HP1BP3: variants seen among roughly 807,000 people sequenced by gnomAD.
The protein encoded by HP1BP3 is heterochromatin protein 1-binding protein 3.
HP1BP3 carries 12 observed loss-of-function variants against 62.5 expected under a neutral mutation model. That is an observed-to-expected ratio of 0.19 (90% CI 0.12 to 0.31). The LOEUF (loss-of-function observed/expected upper bound fraction) is 0.31, where lower values mean the gene tolerates loss of function less well. Ranked by LOEUF, HP1BP3 falls within the 10% of genes least tolerant of loss-of-function variation. The probability of loss-of-function intolerance (pLI) is 1.00; values close to 1 mark genes in which losing one functional copy is unlikely to be tolerated. For synonymous variants in HP1BP3, 260 were observed against 237.8 expected (o/e 1.09, Z -0.86); for missense variants, 502 against 651.8 (o/e 0.77, Z 2.50).
chr1:20,756,904 C>T lies in HP1BP3; in HGVS notation c.981+262G>A, dbSNP rs530379460. ...CTCATTTTTGTATTTTTAGTGGAGA[C>T]GACAGGGTTTCACCAGGCTGGTCTC... is the stretch of plus-strand genomic sequence containing the variant. On this transcript the variant is annotated intron_variant, in intron 9 of 12. Coordinates refer to ENST00000438032, the MANE Select transcript of HP1BP3 (RefSeq NM_001372052.1). Among the ~76,000 whole-genome samples, 21 of 152,110 alleles carry T rather than the reference C, an allele frequency of 1.4e-4. No individual in the cohort carries two copies. The South Asian group carries it at 3.1e-3, about 23-fold the overall frequency.
At chr1:20,776,884 T>C (rs1223340618) in intron 3 of HP1BP3, 134 bp from the exon 4 acceptor site, 9 of 666,344 alleles carry the variant, frequency 1.4e-5, no homozygotes, top group Non-Finnish European at 2.1e-5. Context: ...TGAAAATGAA[T>C]GACCACTAAT....
At chr1:20,776,510 C>A in intron 4 of HP1BP3, 87 bp downstream of exon 4, 3 of 1,181,790 alleles carry the variant, frequency 2.5e-6, no homozygotes, top group South Asian at 1.6e-5. Context: ...TAGCATAAAC[C>A]AATGTTATAA....
chr1:20,750,564 GATT>G (rs776705216), intron 9 of HP1BP3, among the ~76,000 whole-genome samples: 31 of 150,156 alleles, frequency 2.1e-4, no homozygotes, highest in Non-Finnish European at 3.7e-4. Flanking sequence ...AAAAAAAAAA[GATT>G]ATTTTATTTG....
At chr1:20,749,070 G>C (rs1049147750) in intron 10 of HP1BP3, among the ~76,000 whole-genome samples, 1 of 152,126 alleles carries the variant, frequency 6.6e-6, no homozygotes, top group Non-Finnish European at 1.5e-5. Context: ...TTGTTTCAAA[G>C]TAAAATTAGA....
Position 20,749,705 on chromosome 1 carries a change from T to C in HP1BP3, c.1141+18A>G, listed in dbSNP as rs781011878. 33 of 1,600,046 alleles carry C rather than the reference T, an allele frequency of 2.1e-5. No homozygotes were observed. The highest frequency in any genetic ancestry group is 4.5e-5 in the South Asian group (4 of 88,996). On this transcript the variant is annotated intron_variant, in intron 10 of 12. Transcript: ENST00000438032. ...AAATTCTCCTAATCCCAGTTAAATATACACAACCGAGTCTTACTTTGATAG... is the reference window on the plus strand; with the variant it reads ...AAATTCTCCTAATCCCAGTTAAATACACACAACCGAGTCTTACTTTGATAG...
chr1:20,766,270 A>G (rs959944419), intron 7 of HP1BP3, among the ~76,000 whole-genome samples: 7 of 152,196 alleles, frequency 4.6e-5, no homozygotes, highest in Admixed American at 1.3e-4. Flanking sequence ...CAGCCTGAGC[A>G]ACAAGAGCGA....
At chr1:20,749,453 G>T (rs1389963141) in intron 10 of HP1BP3, among the ~76,000 whole-genome samples, 3 of 151,250 alleles carry the variant, frequency 2.0e-5, no homozygotes, top group South Asian at 2.1e-4. Flanking sequence ...CCACCTCCTG[G>T]GTTCATGCGT....
rs2055174305 is a variant in HP1BP3 at position 20,744,134 on chromosome 1, G to A, written c.*663C>T. 1 of 152,476 alleles carries A rather than the reference G, an allele frequency of 6.6e-6. No individual in the cohort carries two copies. Among genetic ancestry groups the A allele is most frequent in the African/African-American group, 2.4e-5 (1 of 41,384 alleles). 9.4% of individuals were successfully genotyped at this position (152,476 alleles called of 1,614,324 possible). ...TAGAGAACTTGTGCTTGCTGTTAAGGGAATGCAATACTTTGGGCCAGTGAA... is the reference window on the plus strand; with the variant it reads ...TAGAGAACTTGTGCTTGCTGTTAAGAGAATGCAATACTTTGGGCCAGTGAA... On this transcript the variant is annotated 3_prime_UTR_variant, in exon 13 of 13. Transcript: ENST00000438032.
rs964606149 is a variant in HP1BP3 at position 20,747,624 on chromosome 1, G to A, written c.1173C>T (p.Cys391=). 5.6e-6 allele frequency: 9 copies of A among 1,612,222 alleles called. No homozygotes were observed. The highest frequency in any genetic ancestry group is 2.7e-5 in the African/African-American group (2 of 74,776). ...TCTGTTCCATCCACCCATTCTTTTC[G>A]CATTTCTGCAGGGTTTTTTTCAGCA... ...MHLLKKTLQK[C]EKNGWMEQIS... Residue 391 remains cysteine (C), a synonymous_variant, in exon 11 of 13, where the codon TGC becomes TGT. Transcript: ENST00000438032.
At chr1:20,775,116 A>G (rs950787535) in intron 4 of HP1BP3, 2 of 152,160 alleles carry the variant, frequency 1.3e-5, no homozygotes, top group Non-Finnish European at 2.9e-5. Flanking sequence ...ACCTACAAAA[A>G]AAAAGTTAAC....
Position 20,776,598 on chromosome 1 carries a change from C to A in HP1BP3, c.349G>T (p.Asp117Tyr). The A allele has an allele frequency of 6.2e-7, 1 of 1,610,430 alleles. No individual in the cohort carries two copies. The highest frequency in any genetic ancestry group is 8.5e-7 in the Non-Finnish European group (1 of 1,178,548). The change falls in exon 4 of 13, where the codon GAT becomes TAT. Residue 117 changes from aspartate to tyrosine, a missense_variant and splice_region_variant. Around this residue, in one of 5 missense-constraint regions of HP1BP3, gnomAD observed 165 missense variants for 156.4 expected, o/e 1.05. Coordinates refer to ENST00000438032, the MANE Select transcript of HP1BP3 (RefSeq NM_001372052.1). ...ENKSSEETKK[D>Y]EKDQSKEKEK... is the part of the protein sequence containing the mutation. ...TAGCAAGAAGACATAACTCCTTACT[C>A]CTTTTTGGTTTCCTCAGAAGACTTA...
At chr1:20,762,396 G>C (rs1386248367) in intron 8 of HP1BP3, among the ~76,000 whole-genome samples, 1 of 152,010 alleles carries the variant, frequency 6.6e-6, no homozygotes, top group Non-Finnish European at 1.5e-5. Flanking sequence ...TGTAAGTAGA[G>C]TAGAACTACA....
intron 4 of HP1BP3, 59 bp from the exon 5 acceptor site, chr1:20,773,669 C>T (rs2057162678): frequency 5.0e-6 from 6 of 1,209,674 alleles, no homozygotes; most frequent in Non-Finnish European, 6.6e-6. Flanking sequence ...CGTATAAAGT[C>T]AGAAGGAGGA....
chr1:20,744,599 C>G lies in HP1BP3; in HGVS notation c.*198G>C, dbSNP rs780915926. ...GGATTATTGCAGAAATTAAAATGAA[C>G]AAGGAAAAGGGCAGGCACCAATAAA... On this transcript the variant is annotated 3_prime_UTR_variant, in exon 13 of 13. Transcript: ENST00000438032. 8.9e-6 allele frequency: 5 copies of G among 562,862 alleles called. No homozygotes were observed. The highest frequency in any genetic ancestry group is 1.2e-5 in the Non-Finnish European group (4 of 322,608). The allele number at this position is 562,862 out of a possible 1,614,324, so 34.9% of individuals were successfully genotyped here.
chr1:20,785,960 C>T lies in HP1BP3; in HGVS notation c.-101+1235G>A, dbSNP rs371472305. On this transcript the variant is annotated intron_variant, in intron 1 of 12. Transcript: ENST00000438032. ...AGACAAGACAGCGTGCTCAAAAAGC[C>T]CCAGGCGATTTTTAGACGTTATTTC... 2.0e-5 allele frequency among the ~76,000 whole-genome samples: 3 copies of T among 152,296 alleles called. No homozygotes were observed. In the South Asian group the frequency reaches 6.2e-4, roughly 32 times the overall value.
At chr1:20,745,358 G>C (rs1301019150) in intron 12 of HP1BP3, among the ~76,000 whole-genome samples, 185 bp downstream of exon 12, 1 of 152,118 alleles carries the variant, frequency 6.6e-6, no homozygotes, top group Non-Finnish European at 1.5e-5. Context: ...ATACACACAG[G>C]CTTGCCCTAA....
chr1:20,752,949 T>C (rs1245757080), intron 9 of HP1BP3, among the ~76,000 whole-genome samples: 1 of 67,448 alleles, frequency 1.5e-5, no homozygotes, highest in Non-Finnish European at 4.1e-5. Flanking sequence ...TGGAACACGT[T>C]TTTTTTTTTT....
intron 6 of HP1BP3, among the ~76,000 whole-genome samples, chr1:20,769,471 C>T (rs796361048): frequency 4.6e-5 from 7 of 152,232 alleles, no homozygotes; most frequent in Middle Eastern, 3.4e-3. Flanking sequence ...GGTGGGAAGA[C>T]GGCTGGAGCC....
intron 5 of HP1BP3, 72 bp downstream of exon 5, chr1:20,773,379 A>T (rs2057149095): frequency 7.4e-7 from 1 of 1,344,988 alleles, no homozygotes; most frequent in Non-Finnish European, 1.0e-6. Context: ...CTAGACAGAT[A>T]TATGCCATTT....
Sources: allele counts gnomAD v4.1 joint callset (sites outside exome capture counted in the v4.1 genomes callset), GRCh38; gene constraint gnomAD v4.1.1; regional missense constraint gnomAD v4.1.1; transcripts MANE v1.5; gene names NCBI Gene and HGNC (gene_info 2026-07-23, HGNC 2026-07-21).